Variants in PARD3B observed in about 807,000 individuals in gnomAD.
PARD3B encodes the protein par-3 family cell polarity regulator beta, also known as partitioning defective 3 homolog B.
Under a neutral mutation model 130.2 loss-of-function variants are expected in PARD3B, and 103 were observed. That is an observed-to-expected ratio of 0.79 (90% confidence interval 0.67 to 0.93). The LOEUF is 0.93. Ranked by LOEUF, PARD3B falls within the 40% of genes least tolerant of loss-of-function variation. The pLI is 0.00. For synonymous variants in PARD3B, 583 were observed against 553.2 expected (o/e 1.05, Z -0.76); for missense variants, 1,609 against 1,499.2 (o/e 1.07, Z -1.21).
chr2:204,575,381 A>G (rs2032205666), intron 1 of PARD3B, among the ~76,000 whole-genome samples: 1 of 152,238 alleles, frequency 6.6e-6, no homozygotes, highest in Non-Finnish European at 1.5e-5. Context: ...CTCAAGTTAT[A>G]AAGAACCTAA....
chr2:205,072,341 C>G (rs765611169), intron 4 of PARD3B, among the ~76,000 whole-genome samples: 21 of 151,948 alleles, frequency 1.4e-4, no homozygotes, highest in Non-Finnish European at 2.5e-4. Flanking sequence ...CTTCTGCCCC[C>G]CTGGGTTCAA....
Position 205,502,371 on chromosome 2 carries a change from C to T in PARD3B, c.3180+2340C>T, listed in dbSNP as rs796312978. On this transcript the variant is annotated intron_variant, in intron 21 of 22. Transcript: ENST00000406610. Reference sequence around the variant, plus strand: ...GCACTAGCTAAAATCAGATCACAGTCGCGTGAAGGGGAAGAATGGGCCCAG... The same window carrying T: ...GCACTAGCTAAAATCAGATCACAGTTGCGTGAAGGGGAAGAATGGGCCCAG... Among the ~76,000 whole-genome samples the T allele has an allele frequency of 7.2e-5, 11 of 152,088 alleles. No individual in the cohort carries two copies. In the South Asian group the frequency reaches 1.0e-3, roughly 14 times the overall value.
intron 2 of PARD3B, among the ~76,000 whole-genome samples, chr2:204,918,004 TAA>T (rs2047511070): frequency 6.6e-6 from 1 of 152,232 alleles, no homozygotes; most frequent in African/African-American, 2.4e-5. Flanking sequence ...TTATAGTAAT[TAA>T]AGTTTACAAA....
At chr2:205,484,778 C>T (rs1455008325) in intron 20 of PARD3B, among the ~76,000 whole-genome samples, 1 of 152,104 alleles carries the variant, frequency 6.6e-6, no homozygotes, top group African/African-American at 2.4e-5. Context: ...AAAAGATACT[C>T]AATTATTCCC....
At chr2:205,059,752 C>A (rs1010091573) in intron 4 of PARD3B, among the ~76,000 whole-genome samples, 15 of 152,004 alleles carry the variant, frequency 9.9e-5, no homozygotes, top group African/African-American at 3.6e-4. Flanking sequence ...ATCACGATTG[C>A]TCATTTCAAC....
chr2:204,921,964 G>T (rs962309988), intron 2 of PARD3B, among the ~76,000 whole-genome samples: 1 of 152,024 alleles, frequency 6.6e-6, no homozygotes. Context: ...GGTGTGGCAT[G>T]GTAAGGAGGG....
chr2:204,647,597 C>A (rs2035319917), intron 1 of PARD3B, among the ~76,000 whole-genome samples: 1 of 151,714 alleles, frequency 6.6e-6, no homozygotes, highest in African/African-American at 2.4e-5. Flanking sequence ...TGGAGTGGTA[C>A]ACTGTGATCA....
rs1050680881 is a variant in PARD3B, at chr2:205,421,252, T to G, written c.2742-19118T>G. On this transcript the variant is annotated intron_variant, in intron 19 of 22. Coordinates refer to ENST00000406610, the MANE Select transcript of PARD3B (RefSeq NM_001302769.2). The surrounding 1 kb of genome is among the most constrained non-coding windows in gnomAD (Gnocchi z 5.1). ...CTAACATCATCTGTTTTAGACTCACTATTCTCCTCTAGGTGGCCATTTCTT... is the reference window on the plus strand; with the variant it reads ...CTAACATCATCTGTTTTAGACTCACGATTCTCCTCTAGGTGGCCATTTCTT... Among the ~76,000 whole-genome samples the G allele has an allele frequency of 6.6e-6, 1 of 152,206 alleles. No homozygotes were observed. Among genetic ancestry groups the G allele is most frequent in the Non-Finnish European group, 1.5e-5 (1 of 68,036 alleles).
chr2:204,997,742 C>T (rs1694350585), intron 3 of PARD3B, among the ~76,000 whole-genome samples: 1 of 151,520 alleles, frequency 6.6e-6, no homozygotes. Context: ...CTTAGAGCTC[C>T]AGTGTTGGAT....
intron 2 of PARD3B, among the ~76,000 whole-genome samples, chr2:204,822,238 A>G (rs1284386587): frequency 1.3e-5 from 2 of 152,242 alleles, no homozygotes; most frequent in Admixed American, 1.3e-4. Context: ...TGTGGTAGAA[A>G]TAGCAAGAGA....
chr2:204,910,421 A>C (rs746561208), intron 2 of PARD3B, among the ~76,000 whole-genome samples: 42 of 152,186 alleles, frequency 2.8e-4, no homozygotes, highest in Non-Finnish European at 4.1e-4. Context: ...ATTTGTAATA[A>C]CCAAGGTAAA....
intron 1 of PARD3B, among the ~76,000 whole-genome samples, chr2:204,643,470 G>A (rs566412293): frequency 1.3e-5 from 2 of 152,126 alleles, no homozygotes; most frequent in South Asian, 2.1e-4. Context: ...GTCTTTCTAC[G>A]AATTTGACTC....
At chr2:204,824,700 C>T (rs2043501455) in intron 2 of PARD3B, among the ~76,000 whole-genome samples, 1 of 152,118 alleles carries the variant, frequency 6.6e-6, no homozygotes, top group African/African-American at 2.4e-5. Context: ...CATGCCATTT[C>T]CTAGTCCTCC....
At chr2:204,717,463 T>G (rs2038784183) in intron 2 of PARD3B, among the ~76,000 whole-genome samples, 1 of 152,168 alleles carries the variant, frequency 6.6e-6, no homozygotes. Context: ...CCCCATGTTA[T>G]CCCTGTCACG....
At chr2:204,579,116 AATCATCATCATC>A (rs374676828) in intron 1 of PARD3B, among the ~76,000 whole-genome samples, 2 of 150,806 alleles carry the variant, frequency 1.3e-5, no homozygotes, top group East Asian at 2.0e-4. Context: ...TATGAAAGGA[AATCATCATCATC>A]ATCATCATCA....
At position 205,325,997 on chromosome 2, in the gene PARD3B, A is replaced by G. The variant is rs12468794; in HGVS notation, c.2630+24296A>G. Among the ~76,000 whole-genome samples, 84,910 of 152,080 alleles carry G rather than the reference A, an allele frequency of 0.56. 27,575 individuals are homozygous for G. The highest frequency in any genetic ancestry group is 0.75 in the South Asian group (3,636 of 4,820). Reference sequence around the variant, plus strand: ...TTTATCAAGCTTTAAATCTGAGGAAATGGAATCTGTGAAAACTGCCTAATT... The same window carrying G: ...TTTATCAAGCTTTAAATCTGAGGAAGTGGAATCTGTGAAAACTGCCTAATT... On this transcript the variant is annotated intron_variant, in intron 18 of 22. Transcript: ENST00000406610. The surrounding 1 kb of genome is among the most constrained non-coding windows in gnomAD (Gnocchi z 4.1).
At chr2:204,879,325 C>T (rs920636284) in intron 2 of PARD3B, among the ~76,000 whole-genome samples, 4 of 152,104 alleles carry the variant, frequency 2.6e-5, no homozygotes, top group African/African-American at 9.7e-5. Flanking sequence ...AAGAACGTCT[C>T]AGGACATGCT....
At chr2:204,922,393 C>G (rs1187842326) in intron 2 of PARD3B, among the ~76,000 whole-genome samples, 1 of 151,982 alleles carries the variant, frequency 6.6e-6, no homozygotes, top group East Asian at 1.9e-4. Context: ...AGAAGGTAGT[C>G]AACACTATCA....
intron 1 of PARD3B, among the ~76,000 whole-genome samples, chr2:204,671,129 G>A (rs1420419021): frequency 4.6e-5 from 7 of 152,066 alleles, no homozygotes; most frequent in South Asian, 4.1e-4. Context: ...GAGCACATTC[G>A]TCTAATCACC....
Sources: gnomAD v4.1 joint callset for allele counts (sites outside exome capture counted in the v4.1 genomes callset) on GRCh38, gnomAD v4.1.1 for gene constraint, Gnocchi (gnomAD v3.1) non-coding constraint, MANE v1.5 for transcripts, NCBI Gene and HGNC (gene_info 2026-07-23, HGNC 2026-07-21) for gene names.